TCF7: variants seen among roughly 807,000 people sequenced by gnomAD.
TCF7 encodes transcription factor 7, also known as T-cell-factor-7.
Under a neutral mutation model 46.8 loss-of-function variants are expected in TCF7, and 19 were observed. The observed-to-expected ratio is 0.41, with a 90% CI of 0.28 to 0.60. TCF7 has a LOEUF of 0.60. Among genes scored for constraint, TCF7 ranks in the 20% least tolerant of loss-of-function variants. The pLI is 0.35. For synonymous variants in TCF7, 245 were observed against 213.4 expected (o/e 1.15, Z -1.29); for missense variants, 547 against 504.6 (o/e 1.08, Z -0.81).
At chr5:134,141,875 C>G (rs2149350088) in intron 5 of TCF7, 1 of 245,028 alleles carries the variant, frequency 4.1e-6, no homozygotes, top group East Asian at 8.3e-5. Flanking sequence ...CCTCACAGGG[C>G]AGCCACAGGC....
the TCF7 span, among the ~76,000 whole-genome samples, chr5:134,108,904 T>C: frequency 6.6e-6 from 1 of 152,116 alleles, no homozygotes; most frequent in African/African-American, 2.4e-5. Flanking sequence ...CTTTAATCCC[T>C]CTTCTCTCCT....
chr5:134,143,468 G>T (rs759939871), intron 8 of TCF7, 124 bp from the exon 9 acceptor site: 25 of 1,140,932 alleles, frequency 2.2e-5, no homozygotes, highest in African/African-American at 3.0e-5. Context: ...AGAAACACCA[G>T]CACCCCAAGG....
chr5:134,140,452 AGCAG>A, intron 5 of TCF7: 1 of 205,182 alleles, frequency 4.9e-6, no homozygotes, highest in South Asian at 6.5e-5. Flanking sequence ...CAGGAATTGA[AGCAG>A]GCAAAGTGGT....
chr5:134,115,731 C>T, intron 2 of TCF7, 178 bp from the exon 3 acceptor site: 2 of 1,436,930 alleles, frequency 1.4e-6, no homozygotes, highest in African/African-American at 1.4e-5. Flanking sequence ...CTCGGGGAGG[C>T]CTGCCCTCCA....
rs141042319 is a variant in TCF7 at position 134,142,961 on chromosome 5, T to G, written c.919-32T>G. The G allele has an allele frequency of 1.8e-4, 298 of 1,613,220 alleles. No homozygotes were observed. In the African/African-American group the frequency reaches 3.6e-3, roughly 19 times the overall value. On this transcript the variant is annotated intron_variant, in intron 7 of 9. Transcript: ENST00000342854. ...CTGGTGCAGCCTGCTGACTCCCTGATGCACCCCACCTGCCCCTCTTCCCTG... is the reference window on the plus strand; with the variant it reads ...CTGGTGCAGCCTGCTGACTCCCTGAGGCACCCCACCTGCCCCTCTTCCCTG...
chr5:134,123,885 G>C (rs1168984838), intron 3 of TCF7: 1 of 452,782 alleles, frequency 2.2e-6, no homozygotes, highest in Non-Finnish European at 4.5e-6. Context: ...CTCGAACAGA[G>C]CCAAGGGAGA....
At chr5:134,118,106 T>C (rs138243429) in intron 3 of TCF7, among the ~76,000 whole-genome samples, 1 of 152,356 alleles carries the variant, frequency 6.6e-6, no homozygotes, top group African/African-American at 2.4e-5. Context: ...AAAATGTGGT[T>C]GGGTTTTACC....
intron 5 of TCF7, chr5:134,140,924 C>T: frequency 2.8e-6 from 1 of 362,472 alleles, no homozygotes; most frequent in African/African-American, 2.2e-5. Flanking sequence ...CTCCTGCTTC[C>T]TGTTGCCCAG....
chr5:134,136,402 T>C (rs1216585122), intron 3 of TCF7, among the ~76,000 whole-genome samples: 2 of 152,118 alleles, frequency 1.3e-5, no homozygotes, highest in African/African-American at 2.4e-5. Context: ...AGCCCTGTTA[T>C]GTAAGGCTCC....
intron 5 of TCF7, chr5:134,140,445 G>C (rs1759566485): frequency 4.9e-6 from 1 of 205,476 alleles, no homozygotes; most frequent in Admixed American, 5.8e-5. Context: ...GGATGACCAG[G>C]AATTGAAGCA....
chr5:134,115,745 C>T (rs766517277), intron 2 of TCF7, 164 bp from the exon 3 acceptor site: 33 of 1,451,044 alleles, frequency 2.3e-5, no homozygotes, highest in Middle Eastern at 2.5e-4. Context: ...CCCTCCAGGT[C>T]CTTCCCCTAA....
Position 134,142,225 on chromosome 5 carries a change from G to A in TCF7, c.676G>A (p.Gly226Ser). 1 of 1,613,490 alleles carries A rather than the reference G, an allele frequency of 6.2e-7. No individual in the cohort carries two copies. The change falls in exon 6 of 10, where the codon GGT becomes AGT. Residue 226 changes from glycine (G) to serine (S), a missense_variant. Transcript: ENST00000342854. Reference protein sequence around the residue: ...PSLMLGSGVPGHPAAIPHPAI... With the variant: ...PSLMLGSGVPSHPAAIPHPAI... Reference sequence around the variant, plus strand: ...CTTGATGCTAGGTTCTGGTGTACCTGGTCACCCAGCAGCCATCCCCCACCC... The same window carrying A: ...CTTGATGCTAGGTTCTGGTGTACCTAGTCACCCAGCAGCCATCCCCCACCC...
intron 3 of TCF7, among the ~76,000 whole-genome samples, chr5:134,121,753 A>C (rs909636159): frequency 1.3e-5 from 2 of 152,026 alleles, no homozygotes; most frequent in African/African-American, 4.8e-5. Context: ...CTTCTTTCCC[A>C]GTGTGAATGA....
At chr5:134,125,803 C>T (rs1757271269) in intron 3 of TCF7, among the ~76,000 whole-genome samples, 1 of 152,132 alleles carries the variant, frequency 6.6e-6, no homozygotes, top group Non-Finnish European at 1.5e-5. Flanking sequence ...AGGGCCTGCC[C>T]GGGAGACCCC....
intron 3 of TCF7, among the ~76,000 whole-genome samples, chr5:134,127,152 C>T (rs1275647954): frequency 6.6e-6 from 1 of 152,144 alleles, no homozygotes; most frequent in Non-Finnish European, 1.5e-5. Context: ...CTGTCAGGTT[C>T]ATAAGCTGGA....
chr5:134,122,946 C>CACG (rs1331416705), intron 3 of TCF7, among the ~76,000 whole-genome samples: 1 of 152,148 alleles, frequency 6.6e-6, no homozygotes. Context: ...CTGCACGATG[C>CACG]ACCCTCTGAC....
chr5:134,145,236 G>T (rs1486789678), intron 9 of TCF7: 1 of 557,246 alleles, frequency 1.8e-6, no homozygotes, highest in Non-Finnish European at 3.5e-6. Context: ...TATGGCCCAT[G>T]GGCTCCCTCA....
chr5:134,114,138 C>T (rs1755474759), upstream of TCF7, among the ~76,000 whole-genome samples: 1 of 152,178 alleles, frequency 6.6e-6, no homozygotes, highest in Admixed American at 6.5e-5. Context: ...TACTTATGTT[C>T]GCACTGTATG....
In TCF7 at chr5:134,146,438, AC is replaced by A. The variant is rs751613817; in HGVS notation, c.*139del. 4 of 1,087,058 alleles carry A rather than the reference AC, an allele frequency of 3.7e-6. No homozygotes were observed. The highest frequency in any genetic ancestry group is 4.8e-5 in the East Asian group (2 of 41,242). 67.3% of individuals were successfully genotyped at this position (1,087,058 alleles called of 1,614,324 possible). ...TCTCTCCACTGCTCTCAGCCTCCCA[AC>A]CCCAGGGCCCCCACAGGCCCCCCGC... is the stretch of plus-strand genomic sequence containing the variant. On this transcript the variant is annotated 3_prime_UTR_variant, in exon 10 of 10. Transcript: ENST00000342854.
Sources: gnomAD v4.1 joint callset for allele counts (sites outside exome capture counted in the v4.1 genomes callset) on GRCh38, gnomAD v4.1.1 for gene constraint, MANE v1.5 for transcripts, NCBI Gene and HGNC (gene_info 2026-07-23, HGNC 2026-07-21) for gene names.